The following MPZL3 variants were observed in gnomAD, a reference collection of about 807,000 sequenced individuals.
MPZL3 encodes myelin protein zero-like protein 3.
In MPZL3, 23 loss-of-function variants were observed where a neutral mutation model predicts 24.8. The observed-to-expected ratio is 0.93, with a 90% CI of 0.67 to 1.31. MPZL3 has a LOEUF of 1.31. MPZL3 is among the 40% of genes most tolerant of loss of function. The pLI is 0.00. For missense variants in MPZL3, 277 were observed against 294.9 expected (o/e 0.94, Z 0.44); for synonymous variants, 99 against 106.5 (o/e 0.93, Z 0.44).
intron 1 of MPZL3, among the ~76,000 whole-genome samples, chr11:118,249,993 TTTTA>T (rs57620094): frequency 0.57 from 84,153 of 148,916 alleles, 24,228 homozygotes; most frequent in South Asian, 0.74. Context: ...TTTACTTTAT[TTTTA>T]TTTATTTATT....
chr11:118,250,239 G>A (rs986978462), intron 1 of MPZL3, among the ~76,000 whole-genome samples: 2 of 137,704 alleles, frequency 1.5e-5, no homozygotes, highest in African/African-American at 5.6e-5. Context: ...TGGCCAGGCT[G>A]GTCTCAAACT....
chr11:118,233,211 C>G (rs571682092), intron 5 of MPZL3, among the ~76,000 whole-genome samples: 8 of 152,172 alleles, frequency 5.3e-5, no homozygotes, highest in Non-Finnish European at 1.2e-4. Context: ...TCAGCAGAAA[C>G]TACTCTACGT....
At chr11:118,244,178 A>G (rs56356019) in intron 1 of MPZL3, among the ~76,000 whole-genome samples, 63,420 of 152,086 alleles carry the variant, frequency 0.42, 15,107 homozygotes, top group South Asian at 0.72. Flanking sequence ...TTGCATGACA[A>G]TGCTCTCATT....
intron 1 of MPZL3, among the ~76,000 whole-genome samples, chr11:118,240,732 G>GAC (rs56100329): frequency 0.048 from 5,853 of 121,344 alleles, 168 homozygotes; most frequent in African/African-American, 0.079. Context: ...ATCCCCCGCA[G>GAC]ACACACACAC....
intron 5 of MPZL3, among the ~76,000 whole-genome samples, chr11:118,233,075 C>T (rs560584759): frequency 2.6e-5 from 4 of 152,086 alleles, no homozygotes; most frequent in South Asian, 2.1e-4. Flanking sequence ...GTTATATCAA[C>T]CTAACTCCCT....
intron 1 of MPZL3, among the ~76,000 whole-genome samples, chr11:118,244,859 G>A (rs1053019810): frequency 2.0e-5 from 3 of 152,122 alleles, no homozygotes; most frequent in South Asian, 2.1e-4. Context: ...GGTGGATCAC[G>A]AGTTCAGGAG....
At chr11:118,244,724 G>A (rs1295071493) in intron 1 of MPZL3, among the ~76,000 whole-genome samples, 1 of 152,238 alleles carries the variant, frequency 6.6e-6, no homozygotes, top group Non-Finnish European at 1.5e-5. Context: ...AGGAAGCCAT[G>A]GAAAGTACTT....
intron 1 of MPZL3, among the ~76,000 whole-genome samples, chr11:118,243,187 C>A (rs1949517107): frequency 6.6e-6 from 1 of 152,158 alleles, no homozygotes; most frequent in African/African-American, 2.4e-5. Context: ...CGAGGCCTGG[C>A]AAACGTTTAA....
Position 118,252,255 on chromosome 11 carries a change from G to A in MPZL3, c.40C>T (p.Leu14Phe), listed in dbSNP as rs1457487938. The change falls in exon 1 of 6, where the codon CTC becomes TTC. Residue 14 changes from leucine (L) to phenylalanine (F), a missense_variant. Leu to Phe is a conservative substitution (Grantham distance 22). Transcript: ENST00000278949. ...AACAGGACGCCCAGCAGAGGGAAGA[G>A]AGCGCAGCCACGGCTTCCAGCTGCT... ...RGAAGSRGCA[L>F]FPLLGVLFFQ... 1 of 1,614,010 alleles carries A rather than the reference G, an allele frequency of 6.2e-7. No homozygotes were observed. The highest frequency in any genetic ancestry group is 1.7e-5 in the Admixed American group (1 of 60,026).
Position 118,229,789 on chromosome 11 carries a change from G to A in MPZL3, c.*105C>T, listed in dbSNP as rs939272. 0.021 allele frequency: 23,019 copies of A among 1,082,168 alleles called. 3,286 individuals carry two copies. The African/African-American group carries it at 0.31, about 15-fold the overall frequency. The allele number at this position is 1,082,168 out of a possible 1,614,324, so 67.0% of individuals were successfully genotyped here. A position where few individuals can be genotyped will look rare whatever the true frequency, so the allele number is the denominator to read the frequency against. ...CTGATGATCTCCAGGATTGTCCATC[G>A]CTATGGTCCAGGCCAGCTCCACTTT... On this transcript the variant is annotated 3_prime_UTR_variant, in exon 6 of 6. Transcript: ENST00000278949.
chr11:118,245,197 G>A (rs966259418), intron 1 of MPZL3, among the ~76,000 whole-genome samples: 4 of 152,014 alleles, frequency 2.6e-5, no homozygotes, highest in Non-Finnish European at 4.4e-5. Flanking sequence ...TCAGGAGTTC[G>A]AGACCAGCCT....
intron 1 of MPZL3, among the ~76,000 whole-genome samples, chr11:118,241,904 A>C (rs2134709158): frequency 6.6e-6 from 1 of 152,304 alleles, no homozygotes; most frequent in Middle Eastern, 3.4e-3. Context: ...TGCCATGCTA[A>C]ACCTGTCCTG....
intron 1 of MPZL3, among the ~76,000 whole-genome samples, chr11:118,244,400 G>A (rs1392628928): frequency 6.6e-6 from 1 of 152,206 alleles, no homozygotes; most frequent in Non-Finnish European, 1.5e-5. Context: ...AAGTGGCTAT[G>A]GGTACGGCCC....
At chr11:118,252,180 C>T (rs769917813) in intron 1 of MPZL3, 42 bp downstream of exon 1, 1 of 1,600,392 alleles carries the variant, frequency 6.2e-7, no homozygotes, top group Non-Finnish European at 8.6e-7. Flanking sequence ...TCTTCCCTAA[C>T]CCCCCGGCCG....
At chr11:118,237,717 T>C (rs540340560) in intron 2 of MPZL3, among the ~76,000 whole-genome samples, 1 of 152,278 alleles carries the variant, frequency 6.6e-6, no homozygotes, top group East Asian at 1.9e-4. Flanking sequence ...GAAACTTTGT[T>C]CTAAAGTAGC....
chr11:118,235,221 C>A (rs541181385), intron 4 of MPZL3, among the ~76,000 whole-genome samples: 4 of 152,214 alleles, frequency 2.6e-5, no homozygotes, highest in African/African-American at 4.8e-5. Flanking sequence ...TATCAACTCC[C>A]CCATCTCTCT....
intron 1 of MPZL3, among the ~76,000 whole-genome samples, chr11:118,241,461 C>T (rs972392934): frequency 2.6e-5 from 4 of 152,220 alleles, no homozygotes; most frequent in Non-Finnish European, 5.9e-5. Flanking sequence ...CCTGCTGGCT[C>T]TGCAGCCTTA....
chr11:118,229,824 G>C lies in MPZL3; in HGVS notation c.*70C>G, dbSNP rs1017704821. 3.3e-6 allele frequency: 5 copies of C among 1,526,522 alleles called. No individual in the cohort carries two copies. Among genetic ancestry groups the C allele is most frequent in the Non-Finnish European group, 4.5e-6 (5 of 1,102,986 alleles). 94.6% of individuals were successfully genotyped at this position (1,526,522 alleles called of 1,614,324 possible). ...AGGCCAGCTCCACTTTCTCTGACAG[G>C]CTTTAGCTGCCAGTGGAATGGGATG... On this transcript the variant is annotated 3_prime_UTR_variant, in exon 6 of 6. Transcript: ENST00000278949.
At chr11:118,239,958 AG>A (rs1949472336) in intron 2 of MPZL3, among the ~76,000 whole-genome samples, 3 of 152,332 alleles carry the variant, frequency 2.0e-5, no homozygotes, top group African/African-American at 7.2e-5. Flanking sequence ...AACAACAAAG[AG>A]GAAACAAAAT....
Sources: gnomAD v4.1 joint callset for allele counts (sites outside exome capture counted in the v4.1 genomes callset) on GRCh38, gnomAD v4.1.1 for gene constraint, MANE v1.5 for transcripts, NCBI Gene and HGNC (gene_info 2026-07-23, HGNC 2026-07-21) for gene names.